Variants in EXT1 observed in about 807,000 individuals in gnomAD.
EXT1 encodes the protein exostosin-1.
Under a neutral mutation model 82.5 loss-of-function variants are expected in EXT1, and 20 were observed. That is an observed-to-expected ratio of 0.24 (90% CI 0.17 to 0.35). EXT1 has a LOEUF of 0.35. EXT1 is among the 10% of genes least tolerant of loss of function. The pLI is 1.00. For missense variants in EXT1, 757 were observed against 936.5 expected (o/e 0.81, Z 2.50); for synonymous variants, 348 against 350.8 (o/e 0.99, Z 0.09).
intron 1 of EXT1, among the ~76,000 whole-genome samples, chr8:118,091,663 T>C (rs1586268345): frequency 2.0e-5 from 3 of 152,264 alleles, no homozygotes; most frequent in African/African-American, 7.2e-5. Context: ...GAGAATGATG[T>C]GAACCTGGGA....
At chr8:118,036,465 T>C (rs1052703954) in intron 1 of EXT1, among the ~76,000 whole-genome samples, 2 of 152,204 alleles carry the variant, frequency 1.3e-5, no homozygotes, top group African/African-American at 4.8e-5. Flanking sequence ...AACTTATCTA[T>C]AGGACTGAGC....
intron 1 of EXT1, among the ~76,000 whole-genome samples, chr8:117,968,540 TA>T (rs1814869581): frequency 4.9e-5 from 1 of 20,212 alleles, no homozygotes; most frequent in Non-Finnish European, 7.6e-5. Context: ...TTTATTTATT[TA>T]TTTATTTATT....
rs574187434 is a variant in EXT1 at position 117,918,133 on chromosome 8, A to C, written c.963-80932T>G. ...TTTAAACAGCACGAGATGCTGTAAC[A>C]AAAGAGACGTCACTACACTGAATGT... is the stretch of plus-strand genomic sequence containing the variant. On this transcript the variant is annotated intron_variant, in intron 1 of 10. Transcript: ENST00000378204. Among the ~76,000 whole-genome samples, 192 of 152,336 alleles carry C rather than the reference A, an allele frequency of 1.3e-3. 3 individuals carry two copies. In the Middle Eastern group the frequency reaches 0.031, roughly 24 times the overall value.
At position 118,094,205 on chromosome 8, in the gene EXT1, A is replaced by G. The variant is rs553028440; in HGVS notation, c.962+15880T>C. On this transcript the variant is annotated intron_variant, in intron 1 of 10. Coordinates refer to ENST00000378204, the MANE Select transcript of EXT1 (RefSeq NM_000127.3). Reference sequence around the variant, plus strand: ...TCACAGAACTAGTGGGAAACATAATACTTTTGTAATAGGAGAACGAATTTT... The same window carrying G: ...TCACAGAACTAGTGGGAAACATAATGCTTTTGTAATAGGAGAACGAATTTT... Among the ~76,000 whole-genome samples the G allele has an allele frequency of 5.9e-5, 9 of 152,298 alleles. No individual in the cohort carries two copies. The East Asian group carries it at 1.7e-3, about 29-fold the overall frequency.
chr8:117,995,040 A>G (rs1815507919), intron 1 of EXT1, among the ~76,000 whole-genome samples: 1 of 152,196 alleles, frequency 6.6e-6, no homozygotes, highest in Non-Finnish European at 1.5e-5. Context: ...ACGAAGACAA[A>G]CTGAGAGAGA....
intron 1 of EXT1, among the ~76,000 whole-genome samples, chr8:117,839,595 C>G (rs1432665536): frequency 6.6e-6 from 1 of 152,176 alleles, no homozygotes; most frequent in African/African-American, 2.4e-5. Context: ...GCATGCTCAG[C>G]CTGTGAACCA....
chr8:117,987,476 C>T (rs1318359856), intron 1 of EXT1, among the ~76,000 whole-genome samples: 4 of 152,234 alleles, frequency 2.6e-5, no homozygotes, highest in African/African-American at 9.6e-5. Context: ...GCAGTGCAGG[C>T]ACTTCGTGGC....
In EXT1 at chr8:117,971,873, G is replaced by A. The variant is rs141006060; in HGVS notation, c.963-134672C>T. Among the ~76,000 whole-genome samples the A allele has an allele frequency of 2.2e-3, 334 of 152,292 alleles. 1 individual carries two copies. The highest frequency in any genetic ancestry group is 7.2e-3 in the African/African-American group (298 of 41,566). ...AGTGCTGTTAATAACACAGAAGACC[G>A]GGTGCGGTGGCTCACGCCTGTAATC... is the stretch of plus-strand genomic sequence containing the variant. On this transcript the variant is annotated intron_variant, in intron 1 of 10. Transcript: ENST00000378204.
At chr8:117,867,497 A>C (rs1033448924) in intron 1 of EXT1, among the ~76,000 whole-genome samples, 1 of 152,150 alleles carries the variant, frequency 6.6e-6, no homozygotes, top group African/African-American at 2.4e-5. Context: ...CTACCTGCCC[A>C]TTATGAATTG....
chr8:117,976,092 G>C (rs1014801437), intron 1 of EXT1, among the ~76,000 whole-genome samples: 1 of 152,096 alleles, frequency 6.6e-6, no homozygotes, highest in Non-Finnish European at 1.5e-5. Context: ...TCAGAATAAA[G>C]AACTTAAGCA....
Position 117,952,740 on chromosome 8 carries a change from A to C in EXT1, c.963-115539T>G, listed in dbSNP as rs17430951. Among the ~76,000 whole-genome samples the C allele has an allele frequency of 2.9e-3, 443 of 152,174 alleles. 1 individual carries two copies. Among genetic ancestry groups the C allele is most frequent in the Non-Finnish European group, 5.2e-3 (355 of 68,006 alleles). On this transcript the variant is annotated intron_variant, in intron 1 of 10. Coordinates refer to ENST00000378204, the MANE Select transcript of EXT1 (RefSeq NM_000127.3). The stretch of plus-strand genomic sequence containing the variant: ...CATGCCAATGCACTCCAGCCTGAGC[A>C]ACACAGGGAGACTGAAAAAAAAAAA...
At chr8:117,951,382 T>G (rs1225187619) in intron 1 of EXT1, among the ~76,000 whole-genome samples, 2 of 152,246 alleles carry the variant, frequency 1.3e-5, no homozygotes, top group Non-Finnish European at 2.9e-5. Flanking sequence ...AGCAGACTCC[T>G]GTTTTTGTGA....
intron 1 of EXT1, among the ~76,000 whole-genome samples, chr8:117,987,720 A>G (rs1282217908): frequency 1.3e-5 from 2 of 152,238 alleles, no homozygotes; most frequent in Non-Finnish European, 2.9e-5. Flanking sequence ...AAGAAGACTC[A>G]TTCATGTAAT....
At chr8:117,849,156 A>T (rs1473814062) in intron 1 of EXT1, among the ~76,000 whole-genome samples, 1 of 152,164 alleles carries the variant, frequency 6.6e-6, no homozygotes, top group Non-Finnish European at 1.5e-5. Context: ...AAGCATTCAA[A>T]TAGCCCCTTC....
chr8:117,894,236 G>A (rs924212093), intron 1 of EXT1, among the ~76,000 whole-genome samples: 11 of 151,428 alleles, frequency 7.3e-5, no homozygotes, highest in South Asian at 6.3e-4. Context: ...ATGAGGTCTC[G>A]CTATATTGTC....
intron 1 of EXT1, among the ~76,000 whole-genome samples, chr8:118,069,577 G>A (rs1455237308): frequency 6.6e-6 from 1 of 152,160 alleles, no homozygotes; most frequent in Non-Finnish European, 1.5e-5. Context: ...CAGATCTAGA[G>A]TTAGCGGAGA....
chr8:118,084,985 T>C (rs1018176255), intron 1 of EXT1, among the ~76,000 whole-genome samples: 3 of 152,242 alleles, frequency 2.0e-5, no homozygotes, highest in African/African-American at 7.2e-5. Flanking sequence ...ACAATCCATA[T>C]TGTATTACAA....
intron 1 of EXT1, among the ~76,000 whole-genome samples, chr8:118,085,391 G>C (rs1443768589): frequency 2.6e-5 from 4 of 151,996 alleles, no homozygotes. Flanking sequence ...AAGTGGCATC[G>C]GGCCAGCTTC....
chr8:117,901,847 C>T (rs1000008429), intron 1 of EXT1, among the ~76,000 whole-genome samples: 2 of 152,048 alleles, frequency 1.3e-5, no homozygotes, highest in East Asian at 1.9e-4. Flanking sequence ...CAGGTATGCA[C>T]CACCACACCT....
Sources: allele counts gnomAD v4.1 joint callset (sites outside exome capture counted in the v4.1 genomes callset), GRCh38; gene constraint gnomAD v4.1.1; transcripts MANE v1.5; gene names NCBI Gene and HGNC (gene_info 2026-07-23, HGNC 2026-07-21).